The following CMSS1 variants were observed in gnomAD, a reference collection of about 807,000 sequenced individuals.
CMSS1 encodes cms1 ribosomal small subunit homolog.
CMSS1 carries 33 observed loss-of-function variants against 43.5 expected under a neutral mutation model. The ratio of observed to expected loss-of-function variants is 0.76; its 90% confidence interval spans 0.57 to 1.01. CMSS1 has a LOEUF of 1.01. CMSS1 is among the 50% of genes least tolerant of loss of function. CMSS1 has a pLI of 0.00. For missense variants in CMSS1, 313 were observed against 326.4 expected, an observed-to-expected ratio of 0.96 and a Z score of 0.32; for synonymous variants, 115 against 117.2, an observed-to-expected ratio of 0.98 and a Z score of 0.12.
intron 1 of CMSS1, chr3:99,850,031 A>G (rs1943590367): frequency 6.2e-7 from 1 of 1,609,118 alleles, no homozygotes; most frequent in East Asian, 2.2e-5. Flanking sequence ...TCGGTTTTGG[A>G]CTTGAGCGCC....
chr3:100,095,278 G>A (rs984467932), intron 1 of CMSS1, among the ~76,000 whole-genome samples: 3 of 152,020 alleles, frequency 2.0e-5, no homozygotes, highest in Non-Finnish European at 4.4e-5. Context: ...ATCTTGCGGA[G>A]ATTTTAGTTA....
intron 1 of CMSS1, among the ~76,000 whole-genome samples, chr3:99,825,781 T>C (rs930533285): frequency 1.1e-4 from 16 of 148,268 alleles, no homozygotes; most frequent in African/African-American, 3.5e-4. Flanking sequence ...TTTTCTTTTT[T>C]TTTTTTTTTT....
intron 1 of CMSS1, among the ~76,000 whole-genome samples, chr3:100,029,924 C>T (rs1165936765): frequency 2.6e-5 from 4 of 152,086 alleles, no homozygotes; most frequent in Non-Finnish European, 4.4e-5. Context: ...GATCTTGGAA[C>T]GTTTAGAAGC....
chr3:100,152,507 A>T (rs1211630588), intron 2 of CMSS1, among the ~76,000 whole-genome samples: 1 of 152,126 alleles, frequency 6.6e-6, no homozygotes, highest in African/African-American at 2.4e-5. Context: ...CAGCTTGTTT[A>T]AAAAAATCTG....
intron 1 of CMSS1, among the ~76,000 whole-genome samples, chr3:100,027,477 T>A (rs1302206228): frequency 6.6e-6 from 1 of 152,172 alleles, no homozygotes; most frequent in African/African-American, 2.4e-5. Context: ...CTCCAGCAGC[T>A]CCTTGTAGCT....
chr3:99,913,389 G>T (rs547300952), intron 1 of CMSS1, among the ~76,000 whole-genome samples: 1 of 152,226 alleles, frequency 6.6e-6, no homozygotes, highest in Admixed American at 6.5e-5. Flanking sequence ...TAAAGTTATC[G>T]TAGTGGATAT....
chr3:100,179,572 C>T lies in CMSS1; in HGVS notation c.*1184C>T, dbSNP rs761025583. On this transcript the variant is annotated 3_prime_UTR_variant, in exon 10 of 10. Transcript: ENST00000421999. ...AAATAATCTTTGACTCCATGTCTCA[C>T]ATCCAGGCCACTCTGATGCAAGGAG... 16 of 151,610 alleles carry T rather than the reference C, an allele frequency of 1.1e-4. No individual in the cohort carries two copies. Among genetic ancestry groups the T allele is most frequent in the Non-Finnish European group, 1.3e-4 (9 of 67,834 alleles). 9.4% of individuals were successfully genotyped at this position (151,610 alleles called of 1,614,324 possible).
chr3:99,985,812 C>T (rs1709323054), intron 1 of CMSS1, among the ~76,000 whole-genome samples: 2 of 152,208 alleles, frequency 1.3e-5, no homozygotes, highest in African/African-American at 4.8e-5. Context: ...TGGTCTCGAA[C>T]TCCTGACCTC....
At chr3:99,873,701 CA>C (rs1282410552) in intron 1 of CMSS1, among the ~76,000 whole-genome samples, 2 of 152,072 alleles carry the variant, frequency 1.3e-5, no homozygotes, top group Admixed American at 6.6e-5. Flanking sequence ...AACCCTTAAA[CA>C]AAATTTACAG....
Position 99,850,571 on chromosome 3 carries a change from T to C in CMSS1, c.64+32528T>C, listed in dbSNP as rs1208632987. The C allele has an allele frequency of 1.9e-6, 3 of 1,613,806 alleles. No homozygotes were observed. The African/African-American group carries it at 4.0e-5, about 22-fold the overall frequency. On this transcript the variant is annotated intron_variant, in intron 1 of 9. Coordinates refer to ENST00000421999, the MANE Select transcript of CMSS1 (RefSeq NM_032359.4). ...TTCCTGAGCTCTTCCACTTCAGCCA[T>C]GATACCAGCGTTTCCATATTCTCCC... is the stretch of plus-strand genomic sequence containing the variant.
At chr3:100,003,048 T>G (rs951825493) in intron 1 of CMSS1, among the ~76,000 whole-genome samples, 4 of 152,170 alleles carry the variant, frequency 2.6e-5, no homozygotes, top group Admixed American at 6.5e-5. Context: ...TATCTCTAGC[T>G]GTGTACTGCT....
chr3:99,911,682 C>T (rs906481303), intron 1 of CMSS1, among the ~76,000 whole-genome samples: 3 of 152,168 alleles, frequency 2.0e-5, no homozygotes, highest in African/African-American at 4.8e-5. Flanking sequence ...CCTTCACATT[C>T]GCTCCCTGCA....
chr3:99,937,977 C>T (rs1289017050), intron 1 of CMSS1, among the ~76,000 whole-genome samples: 2 of 152,122 alleles, frequency 1.3e-5, no homozygotes, highest in African/African-American at 4.8e-5. Flanking sequence ...TGGAGACTCT[C>T]ATAAGAGATA....
At chr3:99,931,856 G>C (rs1429530007) in intron 1 of CMSS1, among the ~76,000 whole-genome samples, 1 of 152,202 alleles carries the variant, frequency 6.6e-6, no homozygotes, top group African/African-American at 2.4e-5. Flanking sequence ...TTCTTCCACT[G>C]TTGAGGTTTA....
At chr3:99,907,993 A>C (rs1706676120) in intron 1 of CMSS1, among the ~76,000 whole-genome samples, 1 of 152,264 alleles carries the variant, frequency 6.6e-6, no homozygotes, top group Non-Finnish European at 1.5e-5. Flanking sequence ...TTTTTCAGGT[A>C]CTGAAACTGT....
At chr3:100,111,967 T>C (rs1280406976) in intron 1 of CMSS1, among the ~76,000 whole-genome samples, 2 of 152,172 alleles carry the variant, frequency 1.3e-5, no homozygotes, top group African/African-American at 2.4e-5. Context: ...ATTCCTACAC[T>C]CAGGGCATCT....
At chr3:99,860,995 A>G (rs775094752) in intron 1 of CMSS1, among the ~76,000 whole-genome samples, 47 of 152,180 alleles carry the variant, frequency 3.1e-4, no homozygotes, top group Non-Finnish European at 5.9e-4. Flanking sequence ...AGGAGCTTTT[A>G]AAAAGTTAAT....
At chr3:99,979,550 C>G (rs112844237) in intron 1 of CMSS1, among the ~76,000 whole-genome samples, 44 of 151,968 alleles carry the variant, frequency 2.9e-4, no homozygotes, top group Admixed American at 2.2e-3. Context: ...AAGACTTGTT[C>G]TAATGAGAAA....
At chr3:100,151,417 G>A (rs968590767) in intron 2 of CMSS1, among the ~76,000 whole-genome samples, 1 of 152,150 alleles carries the variant, frequency 6.6e-6, no homozygotes, top group Non-Finnish European at 1.5e-5. Flanking sequence ...AGGCTTAGCT[G>A]GGGAGAGTTT....
Sources: gnomAD v4.1 joint callset for allele counts (sites outside exome capture counted in the v4.1 genomes callset) on GRCh38, gnomAD v4.1.1 for gene constraint, MANE v1.5 for transcripts, NCBI Gene and HGNC (gene_info 2026-07-23, HGNC 2026-07-21) for gene names.